ROBO2: variants seen among roughly 807,000 people sequenced by gnomAD.
The protein encoded by ROBO2 is roundabout homolog 2.
In ROBO2, 53 loss-of-function variants were observed where a neutral mutation model predicts 160.8. That is an observed-to-expected ratio of 0.33 (90% confidence interval 0.26 to 0.41). The LOEUF is 0.41. Among genes scored for constraint, ROBO2 ranks in the 10% least tolerant of loss-of-function variants. ROBO2 has a pLI of 1.00. For missense variants in ROBO2, 1,577 were observed against 1,722.4 expected (o/e 0.92, Z 1.49); for synonymous variants, 664 against 611.7 (o/e 1.09, Z -1.26).
At chr3:76,335,098 G>GGACTCAA (rs2108077459) in intron 2 of ROBO2, among the ~76,000 whole-genome samples, 1 of 150,884 alleles carries the variant, frequency 6.6e-6, no homozygotes, top group South Asian at 2.1e-4. Context: ...TCAAACTCCT[G>GGACTCAA]GACTCAAGTA....
At chr3:76,837,055 C>T (rs1166949) in intron 2 of ROBO2, among the ~76,000 whole-genome samples, 15,832 of 151,668 alleles carry the variant, frequency 0.1, 908 homozygotes, top group South Asian at 0.12. Flanking sequence ...ATGTCCTTTA[C>T]GCATGTCATG....
At chr3:76,718,715 T>C (rs376451094) in intron 2 of ROBO2, among the ~76,000 whole-genome samples, 21 of 152,332 alleles carry the variant, frequency 1.4e-4, no homozygotes, top group African/African-American at 4.8e-4. Context: ...TGAGCAATGC[T>C]ATTTTACAGG....
At chr3:77,618,288 G>T (rs1363510588) in intron 22 of ROBO2, 2 of 155,856 alleles carry the variant, frequency 1.3e-5, no homozygotes, top group Non-Finnish European at 2.8e-5. Flanking sequence ...CCTGAGTTAA[G>T]TGCAACAGAA....
In ROBO2 at chr3:77,639,704, T is replaced by A. The variant is rs2095319260; in HGVS notation, c.3934+4661T>A. Among the ~76,000 whole-genome samples the A allele has an allele frequency of 2.0e-5, 3 of 152,156 alleles. No individual in the cohort carries two copies. In the South Asian group the frequency reaches 6.2e-4, roughly 32 times the overall value. ...TGTTTGTGAGACCTTTAAGCTACCA[T>A]AATGACATTGGCTCTTACTTTGAAT... On this transcript the variant is annotated intron_variant, in intron 24 of 25. Transcript: ENST00000461745.
intron 2 of ROBO2, among the ~76,000 whole-genome samples, chr3:76,852,513 C>A (rs2148548411): frequency 6.6e-6 from 1 of 152,170 alleles, no homozygotes; most frequent in South Asian, 2.1e-4. Flanking sequence ...ATGATGTCAT[C>A]TCAAGGGTAA....
intron 2 of ROBO2, among the ~76,000 whole-genome samples, chr3:76,146,003 T>C (rs1395224429): frequency 1.3e-5 from 2 of 152,034 alleles, no homozygotes; most frequent in African/African-American, 2.4e-5. Context: ...ACTATTTCTT[T>C]CCCGCTGTTC....
intron 2 of ROBO2, among the ~76,000 whole-genome samples, chr3:76,205,559 T>C (rs1044839479): frequency 7.2e-5 from 11 of 152,162 alleles, no homozygotes; most frequent in Non-Finnish European, 1.5e-4. Context: ...TCTTTCATTA[T>C]CTACTAAGAG....
intron 2 of ROBO2, among the ~76,000 whole-genome samples, chr3:76,367,495 T>G (rs979685880): frequency 6.6e-6 from 1 of 151,936 alleles, no homozygotes; most frequent in Non-Finnish European, 1.5e-5. Flanking sequence ...AAAATTCCAT[T>G]TACTGCATCA....
In ROBO2 at chr3:76,272,832, T is replaced by TATATATATTTATATAAAA. The variant is rs1553693025; in HGVS notation, c.109+335239_109+335240insTATATAAAAATATATATT. On this transcript the variant is annotated intron_variant, in intron 2 of 26. Coordinates refer to the ROBO2 transcript ENST00000487694. ...ATATAATATGTATTTATATATAAAATATATATATTATATATTATATATAAA... is the reference window on the plus strand; with the variant it reads ...ATATAATATGTATTTATATATAAAATATATATATTTATATAAAAATATATATTATATATTATATATAAA... 1.8e-4 allele frequency among the ~76,000 whole-genome samples: 7 copies of TATATATATTTATATAAAA among 38,284 alleles called. 1 individual carries two copies. The highest frequency in any genetic ancestry group is 1.4e-3 in the Admixed American group (3 of 2,074). 25.1% of individuals were successfully genotyped at this position (38,284 alleles called of 152,430 possible).
chr3:77,556,401 C>G (rs1374894), intron 8 of ROBO2, among the ~76,000 whole-genome samples: 1 of 151,402 alleles, frequency 6.6e-6, no homozygotes, highest in Non-Finnish European at 1.5e-5. Flanking sequence ...TATTGTTTTT[C>G]TTAGGTTTTA....
intron 2 of ROBO2, among the ~76,000 whole-genome samples, chr3:77,455,719 C>T (rs1317046599): frequency 6.8e-6 from 1 of 147,336 alleles, no homozygotes; most frequent in African/African-American, 2.6e-5. Flanking sequence ...CGTGAGCCAC[C>T]GCGCCCGGCC....
chr3:76,237,478 T>A (rs993752155), intron 2 of ROBO2, among the ~76,000 whole-genome samples: 3 of 152,198 alleles, frequency 2.0e-5, no homozygotes, highest in African/African-American at 7.2e-5. Flanking sequence ...AATGTTGGAC[T>A]CAGTAGAATG....
intron 2 of ROBO2, among the ~76,000 whole-genome samples, chr3:76,746,242 A>G (rs972579108): frequency 6.6e-6 from 1 of 151,828 alleles, no homozygotes; most frequent in Non-Finnish European, 1.5e-5. Flanking sequence ...ATTGTTGGAC[A>G]TTTGGGTTGG....
At chr3:77,575,343 A>G (rs2093734705) in intron 14 of ROBO2, among the ~76,000 whole-genome samples, 1 of 152,108 alleles carries the variant, frequency 6.6e-6, no homozygotes, top group African/African-American at 2.4e-5. Context: ...GGCTTATAAT[A>G]AATGTTGTCA....
At chr3:76,896,500 A>G (rs1041777930) in intron 2 of ROBO2, among the ~76,000 whole-genome samples, 12 of 152,160 alleles carry the variant, frequency 7.9e-5, no homozygotes, top group Non-Finnish European at 7.4e-5. Flanking sequence ...GGATATATTT[A>G]TATTTCAAAT....
intron 5 of ROBO2, among the ~76,000 whole-genome samples, chr3:77,493,795 A>T (rs116398489): frequency 2.0e-5 from 3 of 152,124 alleles, no homozygotes; most frequent in Non-Finnish European, 4.4e-5. Context: ...CTAACAAAAG[A>T]CTATTGCATG....
At chr3:77,540,655 A>G (rs979847675) in intron 6 of ROBO2, among the ~76,000 whole-genome samples, 1 of 152,196 alleles carries the variant, frequency 6.6e-6, no homozygotes, top group Admixed American at 6.5e-5. Flanking sequence ...AGGGGTTGGT[A>G]GGTGCAGCAG....
rs1314096806 is a variant in ROBO2 at position 77,246,321 on chromosome 3, A to G, written c.388+147981A>G. ...TTTGGTTACAAACTACTGAGAGTGTATGTGTATGTGTGTGTGTGTGTGTGT... is the reference window on the plus strand; with the variant it reads ...TTTGGTTACAAACTACTGAGAGTGTGTGTGTATGTGTGTGTGTGTGTGTGT... On this transcript the variant is annotated intron_variant, in intron 2 of 25. Transcript: ENST00000461745. Among the ~76,000 whole-genome samples, 41 of 110,530 alleles carry G rather than the reference A, an allele frequency of 3.7e-4. 1 individual carries two copies. Among genetic ancestry groups the G allele is most frequent in the Admixed American group, 3.1e-3 (32 of 10,302 alleles). 72.5% of individuals were successfully genotyped at this position (110,530 alleles called of 152,430 possible).
intron 2 of ROBO2, among the ~76,000 whole-genome samples, chr3:76,347,597 G>A (rs2074605357): frequency 6.6e-6 from 1 of 151,920 alleles, no homozygotes; most frequent in South Asian, 2.1e-4. Context: ...ATTTTGTTCT[G>A]TTTAACTTAT....
Sources: allele counts gnomAD v4.1 joint callset (sites outside exome capture counted in the v4.1 genomes callset), GRCh38; gene constraint gnomAD v4.1.1; transcripts MANE v1.5; gene names NCBI Gene and HGNC (gene_info 2026-07-23, HGNC 2026-07-21).